RNF115: variants seen among roughly 807,000 people sequenced by gnomAD.
The protein encoded by RNF115 is ring finger protein 115, also known as E3 ubiquitin-protein ligase RNF115.
Under a neutral mutation model 39.2 loss-of-function variants are expected in RNF115, and 31 were observed. The ratio of observed to expected loss-of-function variants is 0.79; its 90% CI spans 0.59 to 1.07. The LOEUF (loss-of-function observed/expected upper bound fraction) is 1.07, where lower values mean the gene tolerates loss of function less well. Ranked by LOEUF, RNF115 falls within the 50% of genes least tolerant of loss-of-function variation. The pLI is 0.00. For synonymous variants in RNF115, 124 were observed against 131.0 expected (o/e 0.95, Z 0.37); for missense variants, 384 against 381.7 (o/e 1.01, Z -0.05).
At chr1:145,756,168 A>G (rs911704533) in intron 4 of RNF115, among the ~76,000 whole-genome samples, 4 of 152,094 alleles carry the variant, frequency 2.6e-5, no homozygotes, top group African/African-American at 9.7e-5. Flanking sequence ...CTTTGTTAAG[A>G]CCTCAGAAAG....
chr1:145,764,255 G>C (rs913029275), intron 4 of RNF115, among the ~76,000 whole-genome samples: 1 of 152,180 alleles, frequency 6.6e-6, no homozygotes, highest in South Asian at 2.1e-4. Context: ...GCTTGATCTC[G>C]GCTCGCTACA....
chr1:145,775,585 G>A, intron 3 of RNF115, among the ~76,000 whole-genome samples: 1 of 152,068 alleles, frequency 6.6e-6, no homozygotes, highest in Admixed American at 6.5e-5. Context: ...ATTCTTTTTA[G>A]AGATAAGGTC....
intron 7 of RNF115, 104 bp from the exon 8 acceptor site, chr1:145,748,214 C>G (rs1175253536): frequency 1.3e-6 from 1 of 754,408 alleles, no homozygotes; most frequent in Admixed American, 2.2e-5. Context: ...AGAAAAGACA[C>G]AAGAGACAAA....
intron 7 of RNF115, among the ~76,000 whole-genome samples, chr1:145,749,900 T>A (rs1293073637): frequency 6.6e-6 from 1 of 152,212 alleles, no homozygotes; most frequent in Non-Finnish European, 1.5e-5. Context: ...ACCAAAATGC[T>A]GTCCCTTGTC....
In RNF115 at chr1:145,768,947, G is replaced by A. The variant is rs373168657; in HGVS notation, c.428+2764C>T. 2.5e-4 allele frequency among the ~76,000 whole-genome samples: 38 copies of A among 152,158 alleles called. No individual in the cohort carries two copies. The East Asian group carries it at 6.6e-3, about 26-fold the overall frequency. On this transcript the variant is annotated intron_variant, in intron 4 of 8. Coordinates refer to ENST00000582693, the MANE Select transcript of RNF115 (RefSeq NM_014455.4). ...ATTTATACTTCTATGAAAGAAAAGA[G>A]AAAAGAAACTGAATTAAAAACTTTC... is the stretch of plus-strand genomic sequence containing the variant.
chr1:145,740,302 A>C lies in RNF115; in HGVS notation c.*6564T>G. 1 of 152,348 alleles carries C rather than the reference A, an allele frequency of 6.6e-6. No homozygotes were observed. Among genetic ancestry groups the C allele is most frequent in the African/African-American group, 2.4e-5 (1 of 41,582 alleles). The allele number at this position is 152,348 out of a possible 1,614,324, so 9.4% of individuals were successfully genotyped here. On this transcript the variant is annotated 3_prime_UTR_variant, in exon 9 of 9. Transcript: ENST00000582693. ...CTGTGACACATAATCACAGAAAGGA[A>C]ACATCACTGCCCAAGTTTATGAAGA...
At position 145,801,181 on chromosome 1, in the gene RNF115, C is replaced by CA. The variant is rs200279758; in HGVS notation, c.103-12216dup. 5.8e-4 allele frequency among the ~76,000 whole-genome samples: 87 copies of CA among 149,700 alleles called. 1 individual carries two copies. The East Asian group carries it at 0.011, about 18-fold the overall frequency. ...CAGAGCGCACAGCAAGACTCCGTCT[C>CA]AAAAAAAAAGAAAAAGAAAAGGAGC... is the stretch of plus-strand genomic sequence containing the variant. On this transcript the variant is annotated intron_variant, in intron 1 of 8. Coordinates refer to ENST00000582693, the MANE Select transcript of RNF115 (RefSeq NM_014455.4).
intron 1 of RNF115, among the ~76,000 whole-genome samples, chr1:145,793,987 G>A (rs1474854632): frequency 1.3e-5 from 2 of 152,098 alleles, no homozygotes; most frequent in Non-Finnish European, 2.9e-5. Context: ...GGGATTACAG[G>A]CATGTGCCAC....
chr1:145,798,094 T>C (rs1553720366), intron 1 of RNF115, among the ~76,000 whole-genome samples: 1 of 152,210 alleles, frequency 6.6e-6, no homozygotes, highest in Non-Finnish European at 1.5e-5. Flanking sequence ...ATTCCACAGG[T>C]TGCCTTTTCA....
At chr1:145,791,644 A>G (rs1648673747) in intron 1 of RNF115, among the ~76,000 whole-genome samples, 1 of 152,174 alleles carries the variant, frequency 6.6e-6, no homozygotes, top group South Asian at 2.1e-4. Context: ...AACAAGACCT[A>G]ACAATTCTCA....
intron 3 of RNF115, among the ~76,000 whole-genome samples, chr1:145,777,732 C>T (rs1647949316): frequency 1.3e-5 from 2 of 152,158 alleles, no homozygotes; most frequent in Admixed American, 1.3e-4. Flanking sequence ...ATCACAGAGA[C>T]AGTTTGACAA....
chr1:145,748,122 G>A lies in RNF115; in HGVS notation c.668-12C>T. The A allele has an allele frequency of 1.3e-6, 2 of 1,579,664 alleles. No individual in the cohort carries two copies. Among genetic ancestry groups the A allele is most frequent in the East Asian group, 2.2e-5 (1 of 44,676 alleles). Reference sequence around the variant, plus strand: ...CTCTAAACCCATATCTGTTGAAGAAGGAAATGCCTTTTAAAGTAAACAGGC... The same window carrying A: ...CTCTAAACCCATATCTGTTGAAGAAAGAAATGCCTTTTAAAGTAAACAGGC... On this transcript the variant is annotated splice_polypyrimidine_tract_variant and intron_variant, in intron 7 of 8. Coordinates refer to ENST00000582693, the MANE Select transcript of RNF115 (RefSeq NM_014455.4).
chr1:145,765,765 G>A (rs1301297796), intron 4 of RNF115, among the ~76,000 whole-genome samples: 5 of 152,128 alleles, frequency 3.3e-5, no homozygotes, highest in Non-Finnish European at 7.3e-5. Flanking sequence ...CAGATTAGAG[G>A]ATAAAGCACA....
chr1:145,764,822 C>A (rs926753026), intron 4 of RNF115, among the ~76,000 whole-genome samples: 22 of 151,248 alleles, frequency 1.5e-4, no homozygotes, highest in African/African-American at 4.9e-4. Flanking sequence ...TCCGCCCGGC[C>A]AGCCGCCCCG....
chr1:145,800,439 A>G (rs1649177405), intron 1 of RNF115, among the ~76,000 whole-genome samples: 1 of 152,122 alleles, frequency 6.6e-6, no homozygotes, highest in Admixed American at 6.5e-5. Context: ...CCCTTTAAAG[A>G]CATGCAGTTT....
intron 3 of RNF115, among the ~76,000 whole-genome samples, chr1:145,778,518 A>G (rs1371473679): frequency 6.6e-6 from 1 of 152,222 alleles, no homozygotes; most frequent in Non-Finnish European, 1.5e-5. Context: ...AGAGTGTATA[A>G]AGATGAGTCA....
Position 145,746,851 on chromosome 1 carries a change from GT to G in RNF115, c.*14del. On this transcript the variant is annotated 3_prime_UTR_variant, in exon 9 of 9. Transcript: ENST00000582693. Reference sequence around the variant, plus strand: ...GATGATTACCACAGCCCTGATTCAGGTGTGGTCTTTAGCTTCAGAAAGTCCA... The same window carrying G: ...GATGATTACCACAGCCCTGATTCAGGGTGGTCTTTAGCTTCAGAAAGTCCA... The G allele has an allele frequency of 6.2e-7, 1 of 1,613,256 alleles. No individual in the cohort carries two copies. The highest frequency in any genetic ancestry group is 1.7e-5 in the Admixed American group (1 of 59,948).
At chr1:145,802,299 T>A (rs1649285331) in intron 1 of RNF115, among the ~76,000 whole-genome samples, 2 of 152,280 alleles carry the variant, frequency 1.3e-5, no homozygotes, top group African/African-American at 4.8e-5. Flanking sequence ...AGCTTAGCCC[T>A]GATGCTTACC....
chr1:145,756,068 T>C (rs1658282947), intron 4 of RNF115, among the ~76,000 whole-genome samples: 1 of 152,026 alleles, frequency 6.6e-6, no homozygotes, highest in Non-Finnish European at 1.5e-5. Flanking sequence ...TAAATGACAC[T>C]AAAATTAAGA....
Sources: allele counts gnomAD v4.1 joint callset (sites outside exome capture counted in the v4.1 genomes callset), GRCh38; gene constraint gnomAD v4.1.1; transcripts MANE v1.5; gene names NCBI Gene and HGNC (gene_info 2026-07-23, HGNC 2026-07-21).